The following INPP5J variants were observed in gnomAD, a reference collection of about 807,000 sequenced individuals.
The protein encoded by INPP5J is phosphatidylinositol 4,5-bisphosphate 5-phosphatase A.
In INPP5J, 75 loss-of-function variants were observed where a neutral mutation model predicts 86.6. The ratio of observed to expected loss-of-function variants is 0.87; its 90% CI spans 0.72 to 1.05. The LOEUF is 1.05. Among genes scored for constraint, INPP5J ranks in the 50% least tolerant of loss-of-function variants. INPP5J has a pLI of 0.00. For synonymous variants in INPP5J, 540 were observed against 550.0 expected (o/e 0.98, Z 0.25); for missense variants, 1,229 against 1,341.2 (o/e 0.92, Z 1.31).
rs1922394867 is a variant in INPP5J at position 31,134,327 on chromosome 22, TG to T, written c.2933del (p.Gly978AspfsTer87). ...TGTAGACCCTGGTGGTGGTGGCTCCTGGGGACCTGATCGGGAGGCCCTGGCG... is the reference window on the plus strand; with the variant it reads ...TGTAGACCCTGGTGGTGGTGGCTCCTGGGACCTGATCGGGAGGCCCTGGCG... ...ETVDPGGGGS[W>X]GPDREALAPN... On this transcript the variant is annotated frameshift_variant, in exon 13 of 13. Coordinates refer to ENST00000331075, the MANE Select transcript of INPP5J (RefSeq NM_001284285.2). LOFTEE classifies it high-confidence loss of function. 3 of 1,550,674 alleles carry T rather than the reference TG, an allele frequency of 1.9e-6. No individual in the cohort carries two copies. Among genetic ancestry groups the T allele is most frequent in the East Asian group, 4.8e-5 (2 of 41,340 alleles).
At chr22:31,122,748 GCCTCCTT>G (rs1403911456), upstream of INPP5J, 2 of 419,448 alleles carry the variant, frequency 4.8e-6, no homozygotes, top group Non-Finnish European at 8.4e-6. Context: ...TAGACAGACA[GCCTCCTT>G]CCTGCTGCCA....
Position 31,125,356 on chromosome 22 carries a change from C to T in INPP5J, c.617C>T (p.Pro206Leu). The change falls in exon 2 of 13, where the codon CCC (proline) becomes CTC (leucine). Residue 206 changes from proline (P) to leucine (L), a missense_variant. Coordinates refer to ENST00000331075, the MANE Select transcript of INPP5J (RefSeq NM_001284285.2). ...CTCCCCTCCACCCCTTCCCCGGTGC[C>T]CAGTCCAGTTCTGTCTCCAACTCAG... is the stretch of plus-strand genomic sequence containing the variant. ...PELPSTPSPVPSPVLSPTQEQ... is the reference protein window; with the variant it reads ...PELPSTPSPVLSPVLSPTQEQ... The T allele has an allele frequency of 6.4e-7, 1 of 1,550,642 alleles. No individual in the cohort carries two copies. Among genetic ancestry groups the T allele is most frequent in the Non-Finnish European group, 8.7e-7 (1 of 1,147,000 alleles).
chr22:31,133,931 G>A lies in INPP5J; in HGVS notation c.2533G>A (p.Glu845Lys). ...CCCCCAGATCTCGCTGCCTTCCTCG[G>A]AGTTGGCCAGCAGCAGCACAGACAG... is the stretch of plus-strand genomic sequence containing the variant. ...EPFQISLPSS[E>K]LASSSTDSSG... The change falls in exon 13 of 13, where the codon GAG becomes AAG. Residue 845 changes from glutamate (E) to lysine (K), a missense_variant. Coordinates refer to ENST00000331075, the MANE Select transcript of INPP5J (RefSeq NM_001284285.2). 6.2e-6 allele frequency: 10 copies of A among 1,612,054 alleles called. No individual in the cohort carries two copies. Among genetic ancestry groups the A allele is most frequent in the Non-Finnish European group, 8.5e-6 (10 of 1,178,908 alleles).
intron 1 of INPP5J, 23 bp downstream of exon 1, chr22:31,123,142 C>A: frequency 1.4e-6 from 2 of 1,404,118 alleles, no homozygotes; most frequent in Middle Eastern, 2.0e-4. Flanking sequence ...AGACCCAGTG[C>A]CCCCCGCTTT....
chr22:31,127,939 C>G lies in INPP5J; in HGVS notation c.1788-12C>G. The G allele has an allele frequency of 6.4e-7, 1 of 1,557,504 alleles. No individual in the cohort carries two copies. Among genetic ancestry groups the G allele is most frequent in the Non-Finnish European group, 8.9e-7 (1 of 1,129,264 alleles). ...TGCCCCCCACATCTCTCCCATCCCCCACCCCAAACAGCCTCGTGTTCTGGT... is the reference window on the plus strand; with the variant it reads ...TGCCCCCCACATCTCTCCCATCCCCGACCCCAAACAGCCTCGTGTTCTGGT... On this transcript the variant is annotated splice_polypyrimidine_tract_variant and intron_variant, in intron 6 of 12. Transcript: ENST00000331075.
In INPP5J at chr22:31,126,418, A is replaced by C; in HGVS notation, c.1314A>C (p.Pro438=). ...VTWNVGTAMP[P]DDVTSLLHLG... Reference sequence around the variant, plus strand: ...GGAACGTGGGCACTGCCATGCCCCCAGACGATGTCACATCCCTCCTCCACC... The same window carrying C: ...GGAACGTGGGCACTGCCATGCCCCCCGACGATGTCACATCCCTCCTCCACC... Residue 438 remains proline (P), a synonymous_variant, in exon 3 of 13, where the codon CCA becomes CCC. Transcript: ENST00000331075. 1 of 1,613,816 alleles carries C rather than the reference A, an allele frequency of 6.2e-7. No individual in the cohort carries two copies. Among genetic ancestry groups the C allele is most frequent in the Non-Finnish European group, 8.5e-7 (1 of 1,179,844 alleles).
In INPP5J at chr22:31,128,272, A is replaced by G. The variant is rs913515482; in HGVS notation, c.1958A>G (p.Asn653Ser). Residue 653 changes from asparagine to serine, a missense_variant, in exon 8 of 13, where the codon AAC becomes AGC. Asn to Ser is a conservative substitution (Grantham distance 46). Coordinates refer to ENST00000331075, the MANE Select transcript of INPP5J (RefSeq NM_001284285.2). ...AAGGGCTTTCAGGAGGGGCCCCTCA[A>G]CTTCGCTCCCACCTTCAAGTTTGAT... ...ILKGFQEGPL[N>S]FAPTFKFDVG... is the part of the protein sequence containing the mutation. The G allele has an allele frequency of 8.7e-6, 14 of 1,601,286 alleles. No individual in the cohort carries two copies. The highest frequency in any genetic ancestry group is 6.8e-5 in the East Asian group (3 of 44,422).
intron 4 of INPP5J, 32 bp from the exon 5 acceptor site, chr22:31,126,889 C>A (rs1295581860): frequency 3.3e-6 from 5 of 1,536,152 alleles, no homozygotes; most frequent in South Asian, 2.3e-5. Flanking sequence ...GAGTTGTGTT[C>A]TGTCCCCCAG....
At position 31,126,716 on chromosome 22, in the gene INPP5J, G is replaced by C; in HGVS notation, c.1489G>C (p.Val497Leu). The change falls in exon 4 of 13, where the codon GTG (valine) becomes CTG (leucine). Residue 497 changes from valine to leucine, a missense_variant. By Grantham distance (32) the Val-to-Leu change is conservative. Coordinates refer to ENST00000331075, the MANE Select transcript of INPP5J (RefSeq NM_001284285.2). ...GGATGCGCTAGGGCCCTTCAACTTCGTGCTGGTAACGCACCCCTCACCCCC... is the reference window on the plus strand; with the variant it reads ...GGATGCGCTAGGGCCCTTCAACTTCCTGCTGGTAACGCACCCCTCACCCCC... ...FMDALGPFNFVLVSSVRMQGV... is the reference protein window; with the variant it reads ...FMDALGPFNFLLVSSVRMQGV... The C allele has an allele frequency of 6.2e-7, 1 of 1,612,590 alleles. No homozygotes were observed. The highest frequency in any genetic ancestry group is 8.5e-7 in the Non-Finnish European group (1 of 1,178,656).
chr22:31,125,946 A>G lies in INPP5J; in HGVS notation c.1207A>G (p.Thr403Ala). The change falls in exon 2 of 13, where the codon ACA (threonine) becomes GCA (alanine). Residue 403 changes from threonine (T) to alanine (A), a missense_variant. Transcript: ENST00000331075. Reference sequence around the variant, plus strand: ...AGCCCCAGTCACCACCTCCTCTTCTACATCCACCCTGTCATCCTCCCCTTG... The same window carrying G: ...AGCCCCAGTCACCACCTCCTCTTCTGCATCCACCCTGTCATCCTCCCCTTG... The part of the protein sequence containing the change: ...APAPVTTSSS[T>A]STLSSSPWSA... The G allele has an allele frequency of 6.2e-7, 1 of 1,611,086 alleles. No individual in the cohort carries two copies. The highest frequency in any genetic ancestry group is 1.1e-5 in the South Asian group (1 of 90,912).
At position 31,134,283 on chromosome 22, in the gene INPP5J, C is replaced by T; in HGVS notation, c.2885C>T (p.Pro962Leu). Reference protein sequence around the residue: ...PAVPRSLGLLPALRLETVDPG... With the variant: ...PAVPRSLGLLLALRLETVDPG... ...GTGCCTCGAAGCCTGGGCCTGTTGC[C>T]CGCCTTGCGCCTAGAGACTGTAGAC... Residue 962 changes from proline to leucine, a missense_variant, in exon 13 of 13, where the codon CCC becomes CTC. Pro to Leu is a moderately conservative substitution (Grantham distance 98). Transcript: ENST00000331075. 1 of 1,554,034 alleles carries T rather than the reference C, an allele frequency of 6.4e-7. No homozygotes were observed. Among genetic ancestry groups the T allele is most frequent in the South Asian group, 1.2e-5 (1 of 84,142 alleles).
chr22:31,128,811 G>A (rs1921767203), intron 9 of INPP5J, among the ~76,000 whole-genome samples, 157 bp downstream of exon 9: 1 of 152,138 alleles, frequency 6.6e-6, no homozygotes, highest in South Asian at 2.1e-4. Flanking sequence ...TACATTTTCA[G>A]ATGAGGAAGC....
In INPP5J at chr22:31,125,088, T is replaced by C. The variant is rs1248598486; in HGVS notation, c.349T>C (p.Ser117Pro). The C allele has an allele frequency of 6.5e-7, 1 of 1,549,672 alleles. No homozygotes were observed. Among genetic ancestry groups the C allele is most frequent in the Non-Finnish European group, 8.7e-7 (1 of 1,146,972 alleles). Residue 117 changes from serine to proline, a missense_variant, in exon 2 of 13, where the codon TCT (serine) becomes CCT (proline). By Grantham distance (74) the Ser-to-Pro change is moderately conservative. Coordinates refer to ENST00000331075, the MANE Select transcript of INPP5J (RefSeq NM_001284285.2). ...APTSVGQLVMSASAGPKPPPA... is the reference protein window; with the variant it reads ...APTSVGQLVMPASAGPKPPPA... The stretch of plus-strand genomic sequence containing the variant: ...AACATCTGTGGGCCAGCTGGTGATG[T>C]CTGCCTCAGCTGGACCAAAGCCTCC...
chr22:31,131,562 C>T (rs1326414715), intron 9 of INPP5J, among the ~76,000 whole-genome samples: 1 of 129,532 alleles, frequency 7.7e-6, no homozygotes, highest in Non-Finnish European at 1.7e-5. Context: ...GACTCTGTCT[C>T]AAAAAAAAAA....
chr22:31,127,241 T>C (rs1035203904), intron 5 of INPP5J, 116 bp from the exon 6 acceptor site: 68 of 1,002,810 alleles, frequency 6.8e-5, no homozygotes, highest in Non-Finnish European at 9.2e-5. Context: ...GCGTTGTTCC[T>C]CATTTCTGTA....
Position 31,134,362 on chromosome 22 carries a change from C to A in INPP5J, c.2964C>A (p.Ser988Arg). The part of the protein sequence containing the change: ...GPDREALAPN[S>R]LSPSPQGHRG... ...ATCGGGAGGCCCTGGCGCCCAACAG[C>A]CTGTCTCCTAGTCCCCAGGGCCATC... The change falls in exon 13 of 13, where the codon AGC (serine) becomes AGA (arginine). Residue 988 changes from serine (S) to arginine (R), a missense_variant. By Grantham distance (110) the Ser-to-Arg change is moderately radical. Transcript: ENST00000331075. 6.5e-7 allele frequency: 1 copy of A among 1,527,550 alleles called. No homozygotes were observed. Among genetic ancestry groups the A allele is most frequent in the Non-Finnish European group, 8.8e-7 (1 of 1,136,948 alleles). 94.6% of individuals were successfully genotyped at this position (1,527,550 alleles called of 1,614,324 possible). A position where few individuals can be genotyped will look rare whatever the true frequency, so the allele number is the denominator to read the frequency against.
chr22:31,123,136 C>T lies in INPP5J; in HGVS notation c.105+17C>T. 7.0e-7 allele frequency: 1 copy of T among 1,430,006 alleles called. No homozygotes were observed. The highest frequency in any genetic ancestry group is 9.2e-7 in the Non-Finnish European group (1 of 1,081,354). 88.6% of individuals were successfully genotyped at this position (1,430,006 alleles called of 1,614,324 possible). A position where few individuals can be genotyped will look rare whatever the true frequency, so the allele number is the denominator to read the frequency against. ...CCCTCCAAGGTAAGACCCCTGAGAC[C>T]CAGTGCCCCCCGCTTTCCTGATCCC... On this transcript the variant is annotated intron_variant, in intron 1 of 12. Transcript: ENST00000331075.
rs375279687 is a variant in INPP5J at position 31,133,160 on chromosome 22, C to G, written c.2256C>G (p.Pro752=). ...RLEVADEWVR[P]EQAVVRYRME... ...AGGTGGCAGATGAGTGGGTGCGGCC[C>G]GAGCAGGCGGTGGTGAGGTACCGCA... is the stretch of plus-strand genomic sequence containing the variant. The change falls in exon 10 of 13, where the codon CCC becomes CCG. Residue 752 remains proline, a synonymous_variant. Transcript: ENST00000331075. The G allele has an allele frequency of 6.3e-7, 1 of 1,582,050 alleles. No homozygotes were observed. Among genetic ancestry groups the G allele is most frequent in the South Asian group, 1.2e-5 (1 of 86,622 alleles).
rs1165459612 is a variant in INPP5J, at chr22:31,126,854, C to A, written c.1495-67C>A. Reference sequence around the variant, plus strand: ...TGACATGGGTGGGTGGAGGAGCAGACCTGAAGGTGGGCGCGAGGGCGGGGG... The same window carrying A: ...TGACATGGGTGGGTGGAGGAGCAGAACTGAAGGTGGGCGCGAGGGCGGGGG... On this transcript the variant is annotated intron_variant, in intron 4 of 12. Transcript: ENST00000331075. The A allele has an allele frequency of 3.5e-6, 5 of 1,446,156 alleles. No individual in the cohort carries two copies. The Admixed American group carries it at 5.1e-5, about 15-fold the overall frequency. The allele number at this position is 1,446,156 out of a possible 1,614,324, so 89.6% of individuals were successfully genotyped here.
Sources: allele counts gnomAD v4.1 joint callset (sites outside exome capture counted in the v4.1 genomes callset), GRCh38; gene constraint gnomAD v4.1.1; transcripts MANE v1.5; gene names NCBI Gene and HGNC (gene_info 2026-07-23, HGNC 2026-07-21).